OSBPL11: variants seen among roughly 807,000 people sequenced by gnomAD.
OSBPL11 encodes oxysterol-binding protein-related protein 11.
OSBPL11 carries 33 observed loss-of-function variants against 84.4 expected under a neutral mutation model. The ratio of observed to expected loss-of-function variants is 0.39; its 90% CI spans 0.30 to 0.52. The LOEUF (loss-of-function observed/expected upper bound fraction) is 0.52, where lower values mean the gene tolerates loss of function less well. OSBPL11 is among the 20% of genes least tolerant of loss of function. The pLI, the probability that OSBPL11 is intolerant of heterozygous loss-of-function variation, is 0.72. For synonymous variants in OSBPL11, 276 were observed against 310.2 expected (o/e 0.89, Z 1.16); for missense variants, 736 against 901.1 (o/e 0.82, Z 2.35).
At chr3:125,533,537 A>G (rs1218571051) in intron 11 of OSBPL11, among the ~76,000 whole-genome samples, 1 of 152,160 alleles carries the variant, frequency 6.6e-6, no homozygotes, top group Non-Finnish European at 1.5e-5. Context: ...TTAAGGCTAC[A>G]TATGTATCTT....
intron 7 of OSBPL11, among the ~76,000 whole-genome samples, chr3:125,562,914 G>A (rs1302256830): frequency 6.6e-6 from 1 of 151,094 alleles, no homozygotes; most frequent in Non-Finnish European, 1.5e-5. Flanking sequence ...CAATAAGAGC[G>A]AAACTCCATC....
At chr3:125,586,359 G>C (rs1050824844) in intron 1 of OSBPL11, among the ~76,000 whole-genome samples, 2 of 152,108 alleles carry the variant, frequency 1.3e-5, no homozygotes, top group African/African-American at 4.8e-5. Context: ...ATTTAATTGG[G>C]ATTAGTAGTG....
chr3:125,547,700 C>T (rs1358956407), intron 9 of OSBPL11, 108 bp from the exon 10 acceptor site: 57 of 834,008 alleles, frequency 6.8e-5, no homozygotes, highest in Non-Finnish European at 9.4e-5. Context: ...ATTATTTTTC[C>T]TAACCTTCAT....
chr3:125,539,301 A>ATC (rs1935688632), intron 10 of OSBPL11, among the ~76,000 whole-genome samples: 1 of 2,832 alleles, frequency 3.5e-4, no homozygotes, highest in Admixed American at 3.9e-3. Context: ...CACCACAGCC[A>ATC]TATATATATA....
At chr3:125,549,397 T>C (rs1268123743) in intron 9 of OSBPL11, among the ~76,000 whole-genome samples, 4 of 152,238 alleles carry the variant, frequency 2.6e-5, no homozygotes, top group Non-Finnish European at 5.9e-5. Flanking sequence ...TCCATTAATA[T>C]GTAGCAGCAC....
chr3:125,572,840 AT>A (rs1936261953), intron 5 of OSBPL11, among the ~76,000 whole-genome samples: 1 of 146,670 alleles, frequency 6.8e-6, no homozygotes, highest in Non-Finnish European at 1.5e-5. Context: ...ACATATATAT[AT>A]TTTATTTATA....
intron 8 of OSBPL11, among the ~76,000 whole-genome samples, chr3:125,552,961 T>C (rs894139784): frequency 6.6e-6 from 1 of 152,076 alleles, no homozygotes; most frequent in Non-Finnish European, 1.5e-5. Flanking sequence ...CTACAAAAGT[T>C]ACAAAAATTA....
intron 12 of OSBPL11, 110 bp downstream of exon 12, chr3:125,531,751 C>T (rs1935559027): frequency 5.4e-6 from 6 of 1,106,506 alleles, no homozygotes; most frequent in Non-Finnish European, 6.3e-6. Context: ...TACAGCCATA[C>T]TACTTTTAAA....
At position 125,529,507 on chromosome 3, in the gene OSBPL11, G is replaced by A. The variant is rs1002223599; in HGVS notation, c.*1008C>T. On this transcript the variant is annotated 3_prime_UTR_variant, in exon 13 of 13. Coordinates refer to ENST00000296220, the MANE Select transcript of OSBPL11 (RefSeq NM_022776.5). Reference sequence around the variant, plus strand: ...CATGCGCGTTCAGTTACACATATAAGTTTTGAATTACTGACAAATATGAAT... The same window carrying A: ...CATGCGCGTTCAGTTACACATATAAATTTTGAATTACTGACAAATATGAAT... 1.0e-4 allele frequency: 15 copies of A among 150,446 alleles called. No homozygotes were observed. Among genetic ancestry groups the A allele is most frequent in the Non-Finnish European group, 1.8e-4 (12 of 67,774 alleles). 9.3% of individuals were successfully genotyped at this position (150,446 alleles called of 1,614,324 possible).
chr3:125,562,520 T>C (rs1380640420), intron 7 of OSBPL11, among the ~76,000 whole-genome samples: 2 of 152,206 alleles, frequency 1.3e-5, no homozygotes, highest in African/African-American at 2.4e-5. Context: ...CCCTGTGCCA[T>C]ATATTTCTTT....
At chr3:125,567,242 A>AT in intron 6 of OSBPL11, 152 bp downstream of exon 6, 1 of 656,274 alleles carries the variant, frequency 1.5e-6, no homozygotes, top group East Asian at 2.7e-5. Flanking sequence ...AAGAATTTGT[A>AT]TAACATCAGC....
At chr3:125,543,763 C>T (rs868473771) in intron 10 of OSBPL11, among the ~76,000 whole-genome samples, 4 of 151,984 alleles carry the variant, frequency 2.6e-5, no homozygotes, top group South Asian at 4.2e-4. Flanking sequence ...AGCCAGGCAT[C>T]GTGGCACGTG....
intron 1 of OSBPL11, among the ~76,000 whole-genome samples, chr3:125,587,051 A>G (rs1353880509): frequency 6.6e-6 from 1 of 152,236 alleles, no homozygotes; most frequent in South Asian, 2.1e-4. Flanking sequence ...CTCCTTGAAG[A>G]AAAAGGCAGT....
chr3:125,552,702 A>G (rs1935931268), intron 8 of OSBPL11, 23 bp from the exon 9 acceptor site: 2 of 1,597,262 alleles, frequency 1.3e-6, no homozygotes, highest in Non-Finnish European at 1.7e-6. Context: ...TCAATGAAAG[A>G]GGGGAAATTT....
At chr3:125,535,050 A>G (rs1171039004) in intron 11 of OSBPL11, among the ~76,000 whole-genome samples, 1 of 151,664 alleles carries the variant, frequency 6.6e-6, no homozygotes, top group Non-Finnish European at 1.5e-5. Context: ...AAAGAAAACA[A>G]ACATAGATTA....
intron 10 of OSBPL11, among the ~76,000 whole-genome samples, chr3:125,539,323 ATATATATATATATATATATAT>A (rs1935690284): frequency 8.3e-6 from 1 of 119,982 alleles, no homozygotes; most frequent in Non-Finnish European, 1.6e-5. Flanking sequence ...ATATATATAT[ATATATATATATATATATATAT>A]AATAGCTATA....
At chr3:125,586,968 A>G (rs1440582655) in intron 1 of OSBPL11, among the ~76,000 whole-genome samples, 1 of 152,244 alleles carries the variant, frequency 6.6e-6, no homozygotes, top group African/African-American at 2.4e-5. Context: ...ATTGAAAAGC[A>G]TAAGAAAATC....
At chr3:125,564,632 A>T (rs569647387) in intron 6 of OSBPL11, among the ~76,000 whole-genome samples, 45 of 151,948 alleles carry the variant, frequency 3.0e-4, no homozygotes, top group Non-Finnish European at 5.6e-4. Flanking sequence ...TACAGCAGAA[A>T]TGTAGGAGTA....
intron 10 of OSBPL11, among the ~76,000 whole-genome samples, chr3:125,544,292 G>C (rs1307291587): frequency 6.6e-6 from 1 of 152,152 alleles, no homozygotes; most frequent in African/African-American, 2.4e-5. Flanking sequence ...TTGACCTCAA[G>C]TGATCCTCCT....
Sources: gnomAD v4.1 joint callset for allele counts (sites outside exome capture counted in the v4.1 genomes callset) on GRCh38, gnomAD v4.1.1 for gene constraint, MANE v1.5 for transcripts, NCBI Gene and HGNC (gene_info 2026-07-23, HGNC 2026-07-21) for gene names.